TBCK: variants seen among roughly 807,000 people sequenced by gnomAD.
The protein encoded by TBCK is TBC1 domain containing kinase.
TBCK carries 99 observed loss-of-function variants against 113.4 expected under a neutral mutation model. That is an observed-to-expected ratio of 0.87 (90% CI 0.74 to 1.03). The LOEUF is 1.03. TBCK is among the 50% of genes least tolerant of loss of function. The pLI, the probability that TBCK is intolerant of heterozygous loss-of-function variation, is 0.00. For synonymous variants in TBCK, 369 were observed against 370.8 expected, an observed-to-expected ratio of 1.00 and a Z score of 0.05; for missense variants, 1,045 against 1,061.3, an observed-to-expected ratio of 0.98 and a Z score of 0.21.
intron 3 of TBCK, among the ~76,000 whole-genome samples, chr4:106,269,568 G>C (rs2150125415): frequency 6.6e-6 from 1 of 152,198 alleles, no homozygotes. Context: ...AACTATCCAT[G>C]CTAAATTTAA....
At chr4:106,257,495 G>A (rs1579420596) in intron 5 of TBCK, among the ~76,000 whole-genome samples, 1 of 152,068 alleles carries the variant, frequency 6.6e-6, no homozygotes, top group East Asian at 1.9e-4. Context: ...AGTCAATTAA[G>A]TCAGGGAATG....
chr4:106,234,756 A>C (rs1759261208), intron 15 of TBCK, among the ~76,000 whole-genome samples: 1 of 152,158 alleles, frequency 6.6e-6, no homozygotes. Flanking sequence ...TTAGTATTGC[A>C]GGCCACCATA....
intron 6 of TBCK, among the ~76,000 whole-genome samples, 190 bp from the exon 7 acceptor site, chr4:106,250,668 C>T (rs1346503769): frequency 6.6e-6 from 1 of 151,942 alleles, no homozygotes; most frequent in African/African-American, 2.4e-5. Context: ...GAAAGTGTTG[C>T]ATAATAGTTA....
At chr4:106,199,324 C>T (rs1365783519) in intron 20 of TBCK, among the ~76,000 whole-genome samples, 1 of 152,156 alleles carries the variant, frequency 6.6e-6, no homozygotes. Flanking sequence ...TTCCAAAACA[C>T]CATACTCACC....
intron 23 of TBCK, among the ~76,000 whole-genome samples, chr4:106,169,447 T>C (rs1300798187): frequency 6.6e-6 from 1 of 152,110 alleles, no homozygotes; most frequent in Non-Finnish European, 1.5e-5. Context: ...GAAAAGTCAG[T>C]CTTTTTAACA....
At position 106,315,931 on chromosome 4, in the gene TBCK, C is replaced by T. The variant is rs1288591866; in HGVS notation, c.-30G>A. 1 of 152,814 alleles carries T rather than the reference C, an allele frequency of 6.5e-6. No homozygotes were observed. Among genetic ancestry groups the T allele is most frequent in the East Asian group, 1.9e-4 (1 of 5,212 alleles). The allele number at this position is 152,814 out of a possible 1,614,324, so 9.5% of individuals were successfully genotyped here. On this transcript the variant is annotated splice_region_variant and 5_prime_UTR_variant, in exon 1 of 26. Coordinates refer to ENST00000394708, the MANE Select transcript of TBCK (RefSeq NM_001163435.3). ...AAAACTGGATTACCCAAATACCTGC[C>T]TCTGAGTCTGGGGACGCAGGCAAGC...
At chr4:106,308,658 A>AT in intron 2 of TBCK, 110 bp downstream of exon 2, 1 of 938,162 alleles carries the variant, frequency 1.1e-6, no homozygotes, top group Non-Finnish European at 1.6e-6. Flanking sequence ...AAAGAAGGAC[A>AT]TGTGTGCACT....
At chr4:106,186,196 AC>A (rs1430156190) in intron 22 of TBCK, among the ~76,000 whole-genome samples, 3 of 152,146 alleles carry the variant, frequency 2.0e-5, no homozygotes, top group Non-Finnish European at 2.9e-5. Flanking sequence ...ATGAACATAC[AC>A]ATGCATGTGT....
intron 23 of TBCK, among the ~76,000 whole-genome samples, chr4:106,160,224 T>G (rs1458851609): frequency 6.6e-6 from 1 of 152,036 alleles, no homozygotes; most frequent in Non-Finnish European, 1.5e-5. Flanking sequence ...TGGCACTTGA[T>G]TTCTAGGAGA....
chr4:106,070,050 T>C (rs1428431476), intron 25 of TBCK, among the ~76,000 whole-genome samples: 1 of 152,052 alleles, frequency 6.6e-6, no homozygotes, highest in Non-Finnish European at 1.5e-5. Context: ...GCTGAGACGA[T>C]GGGGTTTTCT....
At chr4:106,227,406 T>G (rs1035586143) in intron 19 of TBCK, among the ~76,000 whole-genome samples, 1 of 151,764 alleles carries the variant, frequency 6.6e-6, no homozygotes, top group Non-Finnish European at 1.5e-5. Flanking sequence ...CTGTTCCTCC[T>G]ACTTTTAGCT....
chr4:106,307,161 T>G (rs1244861868), intron 2 of TBCK, among the ~76,000 whole-genome samples: 3 of 152,206 alleles, frequency 2.0e-5, no homozygotes, highest in Non-Finnish European at 4.4e-5. Flanking sequence ...TACAGCAACA[T>G]GTACAATCTT....
At chr4:106,217,332 A>C (rs1757074575) in intron 19 of TBCK, among the ~76,000 whole-genome samples, 1 of 151,964 alleles carries the variant, frequency 6.6e-6, no homozygotes, top group Non-Finnish European at 1.5e-5. Flanking sequence ...CTCTCTCACC[A>C]CTCCTATTCA....
intron 20 of TBCK, among the ~76,000 whole-genome samples, chr4:106,208,108 C>T (rs754998106): frequency 2.0e-4 from 31 of 152,096 alleles, no homozygotes; most frequent in Non-Finnish European, 4.3e-4. Context: ...GAATTACTTC[C>T]CATCCCATAT....
intron 4 of TBCK, among the ~76,000 whole-genome samples, chr4:106,261,392 C>T (rs980166752): frequency 2.0e-5 from 3 of 151,998 alleles, no homozygotes; most frequent in African/African-American, 4.8e-5. Flanking sequence ...AAGCAATGTT[C>T]TCATCTCAGC....
intron 25 of TBCK, among the ~76,000 whole-genome samples, chr4:106,061,568 C>CA (rs938966360): frequency 6.7e-6 from 1 of 150,180 alleles, no homozygotes; most frequent in African/African-American, 2.4e-5. Context: ...CACTGGGAGA[C>CA]AAAAAAATTG....
At chr4:106,146,013 C>T (rs913689938) in intron 23 of TBCK, among the ~76,000 whole-genome samples, 4 of 152,082 alleles carry the variant, frequency 2.6e-5, no homozygotes, top group African/African-American at 9.7e-5. Context: ...AAAAGCAGAG[C>T]TCCCATTCAA....
intron 22 of TBCK, among the ~76,000 whole-genome samples, chr4:106,177,614 C>T (rs1033434769): frequency 6.6e-6 from 1 of 151,850 alleles, no homozygotes; most frequent in African/African-American, 2.4e-5. Flanking sequence ...ATATTGTTGG[C>T]ACCTGTGTCA....
rs1352646914 is a variant in TBCK, at chr4:106,249,078, T to C, written c.659-96A>G. 4.6e-5 allele frequency: 35 copies of C among 757,088 alleles called. No homozygotes were observed. In the Admixed American group the frequency reaches 1.0e-3, roughly 22 times the overall value. 46.9% of individuals were successfully genotyped at this position (757,088 alleles called of 1,614,324 possible). Reference sequence around the variant, plus strand: ...GATCAAAAATGTTTTAATGGAGTAATGCAATTTTGAAACTTAAAATACTGA... The same window carrying C: ...GATCAAAAATGTTTTAATGGAGTAACGCAATTTTGAAACTTAAAATACTGA... On this transcript the variant is annotated intron_variant, in intron 7 of 25. Transcript: ENST00000394708.
Sources: gnomAD v4.1 joint callset for allele counts (sites outside exome capture counted in the v4.1 genomes callset) on GRCh38, gnomAD v4.1.1 for gene constraint, MANE v1.5 for transcripts, NCBI Gene and HGNC (gene_info 2026-07-23, HGNC 2026-07-21) for gene names.